The following MACF1 variants were observed in gnomAD, a reference collection of about 807,000 sequenced individuals.
MACF1 encodes microtubule actin crosslinking factor 1.
Under a neutral mutation model 854.8 loss-of-function variants are expected in MACF1, and 193 were observed. The ratio of observed to expected loss-of-function variants is 0.23; its 90% CI spans 0.20 to 0.25. The LOEUF is 0.25. MACF1 is among the 10% of genes least tolerant of loss of function. MACF1 has a pLI of 1.00. For missense variants in MACF1, 7,722 were observed against 8,929.1 expected (o/e 0.86, Z 5.45); for synonymous variants, 3,185 against 3,226.7 (o/e 0.99, Z 0.44).
At chr1:39,319,419 G>A (rs775818779) in intron 30 of MACF1, among the ~76,000 whole-genome samples, 4 of 152,064 alleles carry the variant, frequency 2.6e-5, no homozygotes, top group Non-Finnish European at 5.9e-5. Context: ...AGACCAGCCT[G>A]GTTAAGAAAG....
At chr1:39,432,808 T>G (rs1369146906) in intron 67 of MACF1, among the ~76,000 whole-genome samples, 154 bp downstream of exon 67, 1 of 148,142 alleles carries the variant, frequency 6.8e-6, no homozygotes, top group Admixed American at 6.7e-5. Flanking sequence ...TGAGGAAGAA[T>G]TTTTTTTTTT....
rs1646752073 is a variant in MACF1, at chr1:39,332,930, G to A, written c.6342G>A (p.Arg2114=). The A allele has an allele frequency of 1.9e-6, 3 of 1,614,086 alleles. No individual in the cohort carries two copies. The highest frequency in any genetic ancestry group is 2.5e-6 in the Non-Finnish European group (3 of 1,180,018). The part of the protein sequence containing the change: ...EVQRQLIGTQ[R]EDQTAVSVRE... ...AAAGGCAGTTGATAGGTACCCAAAG[G>A]GAAGACCAAACAGCAGTGTCTGTCA... The change falls in exon 37 of 101, where the codon AGG becomes AGA. Residue 2114 remains arginine, a synonymous_variant. Transcript: ENST00000564288.
chr1:39,211,347 A>G (rs1398314102), intron 1 of MACF1, among the ~76,000 whole-genome samples: 2 of 152,166 alleles, frequency 1.3e-5, no homozygotes, highest in African/African-American at 4.8e-5. Flanking sequence ...ATTTTTTCAC[A>G]TAAGATAACA....
At chr1:39,464,927 T>A in intron 94 of MACF1, 168 bp from the exon 95 acceptor site, 21 of 589,474 alleles carry the variant, frequency 3.6e-5, no homozygotes, top group Non-Finnish European at 4.4e-5. Flanking sequence ...AAAAAAAAAA[T>A]TAAAACCACA....
chr1:39,213,605 A>G lies in MACF1; in HGVS notation c.109+8474A>G, dbSNP rs187474798. Among the ~76,000 whole-genome samples, 53 of 152,274 alleles carry G rather than the reference A, an allele frequency of 3.5e-4. 1 individual carries two copies. The highest frequency in any genetic ancestry group is 8.3e-4 in the South Asian group (4 of 4,822). On this transcript the variant is annotated intron_variant, in intron 1 of 100. Transcript: ENST00000564288. ...ACCCGCCTTGGCCTCCTAAAGTGCT[A>G]GGATTACAGGCGTGAGCCACTGCAC...
At position 39,324,833 on chromosome 1, in the gene MACF1, C is replaced by T. The variant is rs60918399; in HGVS notation, c.4478+99C>T. On this transcript the variant is annotated intron_variant, in intron 35 of 100. Transcript: ENST00000564288. ...AGATTTCAGAATGGAGAATTCAGAG[C>T]AGCAAGAGCCAGATTATGGGGACCC... 3.8e-3 allele frequency: 3,284 copies of T among 863,738 alleles called. 62 individuals are homozygous for T. The African/African-American group carries it at 0.046, about 12-fold the overall frequency. 53.5% of individuals were successfully genotyped at this position (863,738 alleles called of 1,614,324 possible). A position where few individuals can be genotyped will look rare whatever the true frequency, so the allele number is the denominator to read the frequency against.
At chr1:39,462,113 G>GA in intron 93 of MACF1, 76 bp downstream of exon 93, 1 of 1,402,364 alleles carries the variant, frequency 7.1e-7, no homozygotes, top group Non-Finnish European at 1.0e-6. Context: ...TGGGTTCAGT[G>GA]ATCATATTAG....
Position 39,434,611 on chromosome 1 carries a change from G to C in MACF1, c.17763G>C (p.Arg5921Ser). 6.2e-7 allele frequency: 1 copy of C among 1,614,094 alleles called. No individual in the cohort carries two copies. The change falls in exon 69 of 101, where the codon AGG becomes AGC. Residue 5921 changes from arginine (R) to serine (S), a missense_variant. Physicochemically the swap from Arg to Ser is moderately radical, Grantham distance 110. Coordinates refer to ENST00000564288, the MANE Select transcript of MACF1 (RefSeq NM_001394062.1). ...PSPAIDHEQL[R>S]QQQEEMRQLR... ...CAGCCATTGATCATGAGCAGCTCAG[G>C]CAGCAACAAGAGGAAATGAGGGTAA...
chr1:39,134,134 G>A (rs1409525306), intron 2 of MACF1, among the ~76,000 whole-genome samples: 3 of 136,032 alleles, frequency 2.2e-5, no homozygotes, highest in Non-Finnish European at 4.6e-5. Flanking sequence ...TCCGCCTCCC[G>A]GGTTCATGCC....
Position 39,334,223 on chromosome 1 carries a change from G to C in MACF1, c.7635G>C (p.Gln2545His). ...GAGTTGAGAACTTAAACATCCATCA[G>C]ATTTTTAATCCTGAAACGAAGGAAA... ...LKRVENLNIH[Q>H]IFNPETKENI... The change falls in exon 37 of 101, where the codon CAG becomes CAC. Residue 2545 changes from glutamine (Q) to histidine (H), a missense_variant. Transcript: ENST00000564288. The C allele has an allele frequency of 1.2e-6, 2 of 1,614,082 alleles. No individual in the cohort carries two copies. Among genetic ancestry groups the C allele is most frequent in the Non-Finnish European group, 1.7e-6 (2 of 1,180,006 alleles).
chr1:39,242,622 C>T (rs182668875), intron 2 of MACF1, among the ~76,000 whole-genome samples: 10 of 151,378 alleles, frequency 6.6e-5, no homozygotes, highest in East Asian at 3.9e-4. Context: ...TGGTTGTATG[C>T]GCCTTGGGAG....
intron 2 of MACF1, among the ~76,000 whole-genome samples, chr1:39,144,235 C>T (rs1401954819): frequency 6.6e-6 from 1 of 151,920 alleles, no homozygotes; most frequent in Non-Finnish European, 1.5e-5. Context: ...TGCCTGCCAC[C>T]ACCCCCAGCT....
intron 2 of MACF1, among the ~76,000 whole-genome samples, chr1:39,192,439 G>A (rs1034193471): frequency 2.0e-5 from 3 of 152,100 alleles, no homozygotes; most frequent in African/African-American, 4.8e-5. Context: ...AAATACTGAC[G>A]ATCCTGTTGA....
chr1:39,231,556 A>G (rs1644777712), intron 2 of MACF1, among the ~76,000 whole-genome samples: 1 of 152,218 alleles, frequency 6.6e-6, no homozygotes, highest in Non-Finnish European at 1.5e-5. Context: ...GGAAACTTGT[A>G]TTAATCTGCT....
At chr1:39,122,518 G>A (rs1642744301) in intron 2 of MACF1, among the ~76,000 whole-genome samples, 1 of 152,126 alleles carries the variant, frequency 6.6e-6, no homozygotes, top group African/African-American at 2.4e-5. Flanking sequence ...CTCCCAAAGT[G>A]CTGGGATTAC....
At chr1:39,293,719 C>G in intron 18 of MACF1, 100 bp downstream of exon 18, 1 of 1,171,744 alleles carries the variant, frequency 8.5e-7, no homozygotes, top group Non-Finnish European at 1.2e-6. Context: ...GAGTTGCACT[C>G]TGCTAGATAG....
chr1:39,254,034 G>A (rs1011801682), intron 4 of MACF1: 4 of 391,122 alleles, frequency 1.0e-5, no homozygotes, highest in Admixed American at 4.1e-5. Flanking sequence ...AGAAGCTGTG[G>A]CATTGATTCG....
chr1:39,091,212 G>A (rs1432598578), intron 2 of MACF1, among the ~76,000 whole-genome samples: 1 of 152,234 alleles, frequency 6.6e-6, no homozygotes, highest in African/African-American at 2.4e-5. Context: ...TGGGGCCTCA[G>A]TGGATGTCTC....
chr1:39,178,536 G>A (rs925847290), intron 2 of MACF1, among the ~76,000 whole-genome samples: 1 of 152,146 alleles, frequency 6.6e-6, no homozygotes, highest in Non-Finnish European at 1.5e-5. Context: ...GCTGGATTCA[G>A]CAACGTTCTT....
Sources: allele counts gnomAD v4.1 joint callset (sites outside exome capture counted in the v4.1 genomes callset), GRCh38; gene constraint gnomAD v4.1.1; transcripts MANE v1.5; gene names NCBI Gene and HGNC (gene_info 2026-07-23, HGNC 2026-07-21).